The following UBASH3B variants were observed in gnomAD, a reference collection of about 807,000 sequenced individuals.
UBASH3B encodes ubiquitin associated and SH3 domain containing B, also known as ubiquitin-associated and SH3 domain-containing protein B.
UBASH3B carries 37 observed loss-of-function variants against 83.4 expected under a neutral mutation model. That is an observed-to-expected ratio of 0.44 (90% CI 0.34 to 0.58). The LOEUF is 0.58. Among genes scored for constraint, UBASH3B ranks in the 20% least tolerant of loss-of-function variants. UBASH3B has a pLI of 0.01. For synonymous variants in UBASH3B, 304 were observed against 318.3 expected, an observed-to-expected ratio of 0.96 and a Z score of 0.48; for missense variants, 657 against 827.2, an observed-to-expected ratio of 0.79 and a Z score of 2.52.
At chr11:122,669,964 A>G (rs1863571881) in intron 1 of UBASH3B, among the ~76,000 whole-genome samples, 1 of 152,178 alleles carries the variant, frequency 6.6e-6, no homozygotes, top group South Asian at 2.1e-4. Flanking sequence ...TGAACAGCAG[A>G]AGGAAGGAAA....
chr11:122,799,823 T>C (rs1482628865), intron 10 of UBASH3B, among the ~76,000 whole-genome samples: 1 of 152,212 alleles, frequency 6.6e-6, no homozygotes, highest in African/African-American at 2.4e-5. Context: ...GAGTTACAGG[T>C]ATCTCCATTC....
intron 1 of UBASH3B, among the ~76,000 whole-genome samples, chr11:122,688,267 TCCTCCCCTTCCTTCCTC>T (rs1171239430): frequency 6.6e-6 from 1 of 151,604 alleles, no homozygotes; most frequent in African/African-American, 2.4e-5. Context: ...TTCCTTCCCT[TCCTCCCCTTCCTTCCTC>T]CCTCCCTCTT....
At chr11:122,668,207 T>G (rs1270536251) in intron 1 of UBASH3B, among the ~76,000 whole-genome samples, 1 of 152,044 alleles carries the variant, frequency 6.6e-6, no homozygotes, top group Non-Finnish European at 1.5e-5. Context: ...AGGCTGGTCT[T>G]GAACTCCTGA....
At chr11:122,708,697 G>A (rs769964308) in intron 1 of UBASH3B, among the ~76,000 whole-genome samples, 4 of 152,228 alleles carry the variant, frequency 2.6e-5, no homozygotes, top group African/African-American at 4.8e-5. Flanking sequence ...AAAGATCCAC[G>A]CAGGTTTTGG....
At chr11:122,666,432 G>A (rs1215699567) in intron 1 of UBASH3B, among the ~76,000 whole-genome samples, 1 of 145,512 alleles carries the variant, frequency 6.9e-6, no homozygotes, top group Non-Finnish European at 1.5e-5. Flanking sequence ...TTTGTTTTTC[G>A]TTTTGAGACG....
chr11:122,655,990 T>C lies in UBASH3B; in HGVS notation c.-60T>C. 4 of 872,446 alleles carry C rather than the reference T, an allele frequency of 4.6e-6. No homozygotes were observed. The highest frequency in any genetic ancestry group is 1.9e-5 in the South Asian group (1 of 52,886). 54.0% of individuals were successfully genotyped at this position (872,446 alleles called of 1,614,324 possible). A position where few individuals can be genotyped will look rare whatever the true frequency, so the allele number is the denominator to read the frequency against. On this transcript the variant is annotated 5_prime_UTR_variant, in exon 1 of 14. Transcript: ENST00000284273. Reference sequence around the variant, plus strand: ...CCTCCCCTGGCCCAGCCCGACTCCCTCCTCCTTCCCGAACCATCCGGCTCG... The same window carrying C: ...CCTCCCCTGGCCCAGCCCGACTCCCCCCTCCTTCCCGAACCATCCGGCTCG...
At chr11:122,775,909 A>G in intron 1 of UBASH3B, 1 of 276,850 alleles carries the variant, frequency 3.6e-6, no homozygotes. Flanking sequence ...AGGAGGAAAA[A>G]CCAAGACATG....
chr11:122,655,918 C>G lies in UBASH3B; in HGVS notation c.-132C>G. 9.9e-7 allele frequency: 1 copy of G among 1,011,146 alleles called. No individual in the cohort carries two copies. The allele number at this position is 1,011,146 out of a possible 1,614,324, so 62.6% of individuals were successfully genotyped here. On this transcript the variant is annotated 5_prime_UTR_variant, in exon 1 of 14. Transcript: ENST00000284273. ...CCGACACTGGGGAAGCTCGGAGCGC[C>G]GCCTCCGCTGCCGCCGCCTCCTGCC...
intron 1 of UBASH3B, among the ~76,000 whole-genome samples, chr11:122,679,345 T>A (rs1381156922): frequency 6.6e-6 from 1 of 152,170 alleles, no homozygotes; most frequent in Non-Finnish European, 1.5e-5. Context: ...TCAGTTTATT[T>A]TGAAGGCCCC....
chr11:122,770,055 C>T (rs1260915076), intron 1 of UBASH3B, among the ~76,000 whole-genome samples: 3 of 152,170 alleles, frequency 2.0e-5, no homozygotes, highest in Non-Finnish European at 4.4e-5. Context: ...GAATTTCATC[C>T]ACTTGAAGGA....
intron 1 of UBASH3B, among the ~76,000 whole-genome samples, chr11:122,686,551 G>T (rs959961269): frequency 2.0e-5 from 3 of 152,166 alleles, no homozygotes; most frequent in Non-Finnish European, 4.4e-5. Flanking sequence ...CTTGTTTGGG[G>T]GCTGGATCTG....
At chr11:122,693,085 TG>T (rs750602319) in intron 1 of UBASH3B, among the ~76,000 whole-genome samples, 1 of 151,688 alleles carries the variant, frequency 6.6e-6, no homozygotes, top group Non-Finnish European at 1.5e-5. Context: ...GTGGGGAGAA[TG>T]GCAAAGAACC....
At chr11:122,807,668 A>G (rs1162205075) in intron 12 of UBASH3B, among the ~76,000 whole-genome samples, 1 of 152,026 alleles carries the variant, frequency 6.6e-6, no homozygotes, top group Non-Finnish European at 1.5e-5. Flanking sequence ...CTCCCACATC[A>G]GCCTCCCAAG....
chr11:122,741,866 C>T (rs1861031610), intron 1 of UBASH3B, among the ~76,000 whole-genome samples: 1 of 152,168 alleles, frequency 6.6e-6, no homozygotes, highest in South Asian at 2.1e-4. Context: ...GGAAACCAGC[C>T]TTGAGCAATT....
chr11:122,753,349 G>T (rs1247106959), intron 1 of UBASH3B, among the ~76,000 whole-genome samples: 2 of 151,686 alleles, frequency 1.3e-5, no homozygotes, highest in Non-Finnish European at 2.9e-5. Context: ...TACTCAGCAG[G>T]CTGAGGCAGG....
At chr11:122,754,654 G>A (rs939681704) in intron 1 of UBASH3B, among the ~76,000 whole-genome samples, 6 of 152,152 alleles carry the variant, frequency 3.9e-5, no homozygotes, top group Admixed American at 2.0e-4. Context: ...ACTCCCTGAA[G>A]GCTGTTCTTC....
intron 1 of UBASH3B, among the ~76,000 whole-genome samples, chr11:122,733,322 T>C (rs2135954612): frequency 6.6e-6 from 1 of 152,338 alleles, no homozygotes; most frequent in Non-Finnish European, 1.5e-5. Flanking sequence ...AGTTCCCTGG[T>C]GTCCAGTTTA....
At chr11:122,779,262 A>T in intron 3 of UBASH3B, 1 of 578,086 alleles carries the variant, frequency 1.7e-6, no homozygotes, top group Non-Finnish European at 3.1e-6. Flanking sequence ...GCCACTTCAC[A>T]GCAAGGAAAG....
At chr11:122,689,630 A>G (rs1380701593) in intron 1 of UBASH3B, among the ~76,000 whole-genome samples, 8 of 152,086 alleles carry the variant, frequency 5.3e-5, no homozygotes, top group Non-Finnish European at 1.2e-4. Flanking sequence ...CCTCCAATTC[A>G]GTTCCAACAC....
Sources: gnomAD v4.1 joint callset for allele counts (sites outside exome capture counted in the v4.1 genomes callset) on GRCh38, gnomAD v4.1.1 for gene constraint, MANE v1.5 for transcripts, NCBI Gene and HGNC (gene_info 2026-07-23, HGNC 2026-07-21) for gene names.